Variants in PHACTR4 observed in about 807,000 individuals in gnomAD.
The protein encoded by PHACTR4 is phosphatase and actin regulator 4.
In PHACTR4, 51 loss-of-function variants were observed where a neutral mutation model predicts 72.7. The ratio of observed to expected loss-of-function variants is 0.70; its 90% CI spans 0.56 to 0.89. PHACTR4 has a LOEUF of 0.89. Among genes scored for constraint, PHACTR4 ranks in the 40% least tolerant of loss-of-function variants. The probability of loss-of-function intolerance (pLI) is 0.00; values close to 1 mark genes in which losing one functional copy is unlikely to be tolerated. For synonymous variants in PHACTR4, 255 were observed against 302.5 expected (o/e 0.84, Z 1.63); for missense variants, 731 against 861.8 (o/e 0.85, Z 1.90).
chr1:28,382,270 C>A (rs1256862009), intron 1 of PHACTR4, among the ~76,000 whole-genome samples: 1 of 151,688 alleles, frequency 6.6e-6, no homozygotes, highest in Non-Finnish European at 1.5e-5. Flanking sequence ...TCAATTTTTG[C>A]TTTTGTAGTA....
chr1:28,417,348 C>G (rs1456548928), intron 2 of PHACTR4, among the ~76,000 whole-genome samples: 2 of 152,024 alleles, frequency 1.3e-5, no homozygotes, highest in Non-Finnish European at 2.9e-5. Flanking sequence ...ACATATGTAC[C>G]TGTGATAAAG....
intron 1 of PHACTR4, among the ~76,000 whole-genome samples, chr1:28,380,018 T>TA (rs1652026249): frequency 6.6e-6 from 1 of 151,200 alleles, no homozygotes; most frequent in South Asian, 2.1e-4. Flanking sequence ...ATGTGTGGGA[T>TA]AAAAATGTTA....
chr1:28,455,741 G>A (rs551083234), intron 2 of PHACTR4, among the ~76,000 whole-genome samples: 2 of 152,202 alleles, frequency 1.3e-5, no homozygotes, highest in South Asian at 2.1e-4. Flanking sequence ...GACAGATTTC[G>A]GAGTCTTGGA....
At chr1:28,444,450 G>T (rs1469213538) in intron 2 of PHACTR4, among the ~76,000 whole-genome samples, 1 of 151,188 alleles carries the variant, frequency 6.6e-6, no homozygotes, top group Admixed American at 6.6e-5. Flanking sequence ...GGATGGTCTT[G>T]ATCTCCTGAC....
At chr1:28,442,231 C>A (rs1277810709) in intron 2 of PHACTR4, among the ~76,000 whole-genome samples, 1 of 151,828 alleles carries the variant, frequency 6.6e-6, no homozygotes, top group Non-Finnish European at 1.5e-5. Context: ...CTTTGGGAGG[C>A]CAAGGCGGGT....
chr1:28,381,254 C>G (rs1260025353), intron 1 of PHACTR4, among the ~76,000 whole-genome samples: 1 of 149,532 alleles, frequency 6.7e-6, no homozygotes, highest in Non-Finnish European at 1.5e-5. Context: ...CTGCCCGCCT[C>G]GGCCTCCTAA....
At chr1:28,469,252 A>G (rs1659409308) in intron 6 of PHACTR4, among the ~76,000 whole-genome samples, 1 of 152,172 alleles carries the variant, frequency 6.6e-6, no homozygotes, top group African/African-American at 2.4e-5. Flanking sequence ...AAAAAACACT[A>G]GAAAAAAAAC....
intron 2 of PHACTR4, among the ~76,000 whole-genome samples, chr1:28,429,648 T>C (rs1377980329): frequency 6.6e-6 from 1 of 152,218 alleles, no homozygotes; most frequent in East Asian, 1.9e-4. Flanking sequence ...GCTGTTTCTT[T>C]CCTTATACTC....
chr1:28,493,211 C>A, intron 13 of PHACTR4, 120 bp downstream of exon 13: 1 of 846,336 alleles, frequency 1.2e-6, no homozygotes, highest in Non-Finnish European at 1.9e-6. Flanking sequence ...GATTGCAAGA[C>A]TGCATTCAAA....
chr1:28,460,877 C>T (rs886736013), intron 4 of PHACTR4, among the ~76,000 whole-genome samples: 14 of 152,008 alleles, frequency 9.2e-5, no homozygotes, highest in Admixed American at 7.2e-4. Flanking sequence ...CTCCTGACCT[C>T]AGGTGTTCTG....
At chr1:28,379,536 AG>A (rs1651969107) in intron 1 of PHACTR4, among the ~76,000 whole-genome samples, 1 of 151,348 alleles carries the variant, frequency 6.6e-6, no homozygotes, top group African/African-American at 2.4e-5. Context: ...GGCCTGCCAG[AG>A]TGCTAGGATT....
chr1:28,466,680 T>C lies in PHACTR4; in HGVS notation c.735T>C (p.Ala245=). Residue 245 remains alanine (A), a synonymous_variant, in exon 6 of 14, where the codon GCT becomes GCC. Coordinates refer to ENST00000373839, the MANE Select transcript of PHACTR4 (RefSeq NM_001048183.3). The part of the protein sequence containing the change: ...PAAPASTNTT[A]TPSLTHMVPA... ...CTCCTGCCAGCACTAACACTACTGC[T>C]ACCCCAAGCCTCACTCATATGGTCC... 2 of 1,614,016 alleles carry C rather than the reference T, an allele frequency of 1.2e-6. No homozygotes were observed. Among genetic ancestry groups the C allele is most frequent in the Non-Finnish European group, 1.7e-6 (2 of 1,180,022 alleles).
At chr1:28,451,800 T>G (rs1657995096) in intron 2 of PHACTR4, among the ~76,000 whole-genome samples, 1 of 149,268 alleles carries the variant, frequency 6.7e-6, no homozygotes, top group Non-Finnish European at 1.5e-5. Flanking sequence ...AGCACCACAC[T>G]TGGCTAATTT....
chr1:28,496,708 C>G lies in PHACTR4; in HGVS notation c.*159C>G. On this transcript the variant is annotated 3_prime_UTR_variant, in exon 14 of 14. Transcript: ENST00000373839. Reference sequence around the variant, plus strand: ...CTTTGAATGTAGCATTTCACTGGAACAGAGTCTTATGTGCTGCACCGGGGG... The same window carrying G: ...CTTTGAATGTAGCATTTCACTGGAAGAGAGTCTTATGTGCTGCACCGGGGG... 3 of 835,740 alleles carry G rather than the reference C, an allele frequency of 3.6e-6. No individual in the cohort carries two copies. In the South Asian group the frequency reaches 4.4e-5, roughly 12 times the overall value. 51.8% of individuals were successfully genotyped at this position (835,740 alleles called of 1,614,324 possible). A position where few individuals can be genotyped will look rare whatever the true frequency, so the allele number is the denominator to read the frequency against.
intron 1 of PHACTR4, among the ~76,000 whole-genome samples, chr1:28,398,675 C>T (rs1569825248): frequency 2.0e-5 from 3 of 151,682 alleles, no homozygotes; most frequent in African/African-American, 7.3e-5. Context: ...AAAAATTAGC[C>T]GGGCGTGGGG....
intron 9 of PHACTR4, among the ~76,000 whole-genome samples, chr1:28,487,699 CA>C (rs1178037714): frequency 7.8e-6 from 1 of 128,108 alleles, no homozygotes; most frequent in African/African-American, 2.9e-5. Flanking sequence ...TTTCTGATTT[CA>C]AAAATGACAA....
intron 1 of PHACTR4, among the ~76,000 whole-genome samples, chr1:28,398,048 A>G (rs1653655442): frequency 1.3e-5 from 2 of 152,136 alleles, no homozygotes; most frequent in Non-Finnish European, 2.9e-5. Context: ...TCTAGCCTGC[A>G]GTACATGCTT....
At chr1:28,407,289 T>G in intron 1 of PHACTR4, 121 bp from the exon 2 acceptor site, 1 of 482,376 alleles carries the variant, frequency 2.1e-6, no homozygotes, top group Admixed American at 4.0e-5. Context: ...GTTGTACATT[T>G]CTATAATGTT....
At chr1:28,405,935 C>G (rs1654293980) in intron 1 of PHACTR4, among the ~76,000 whole-genome samples, 1 of 151,918 alleles carries the variant, frequency 6.6e-6, no homozygotes, top group Non-Finnish European at 1.5e-5. Context: ...CTCACTAGCA[C>G]AGAACCCAGA....
Sources: allele counts gnomAD v4.1 joint callset (sites outside exome capture counted in the v4.1 genomes callset), GRCh38; gene constraint gnomAD v4.1.1; transcripts MANE v1.5; gene names NCBI Gene and HGNC (gene_info 2026-07-23, HGNC 2026-07-21).